The following RTKN2 variants were observed in gnomAD, a reference collection of about 807,000 sequenced individuals.
The protein encoded by RTKN2 is rhotekin 2.
Under a neutral mutation model 71.5 loss-of-function variants are expected in RTKN2, and 69 were observed. The observed-to-expected ratio is 0.96, with a 90% CI of 0.79 to 1.18. The LOEUF (loss-of-function observed/expected upper bound fraction) is 1.18, where lower values mean the gene tolerates loss of function less well. Among genes scored for constraint, RTKN2 ranks in the 50% most tolerant of loss-of-function variants. RTKN2 has a pLI of 0.00. For synonymous variants in RTKN2, 236 were observed against 236.5 expected, an observed-to-expected ratio of 1.00 and a Z score of 0.02; for missense variants, 724 against 719.7, an observed-to-expected ratio of 1.01 and a Z score of -0.07.
chr10:62,187,424 G>C (rs1841154607), intron 8 of RTKN2, among the ~76,000 whole-genome samples: 1 of 152,108 alleles, frequency 6.6e-6, no homozygotes, highest in Non-Finnish European at 1.5e-5. Flanking sequence ...CCTTCAATCT[G>C]TTCACCCCTC....
intron 6 of RTKN2, among the ~76,000 whole-genome samples, chr10:62,224,587 GA>G (rs935632800): frequency 2.0e-5 from 3 of 150,316 alleles, no homozygotes; most frequent in Non-Finnish European, 3.0e-5. Flanking sequence ...CAGGCAGAAT[GA>G]AAAAAAAAGT....
At chr10:62,220,108 A>AT (rs150388010) in intron 7 of RTKN2, among the ~76,000 whole-genome samples, 16,029 of 152,042 alleles carry the variant, frequency 0.11, 891 homozygotes, top group Non-Finnish European at 0.12. Flanking sequence ...TTACCCCAGA[A>AT]TTTTTTTTGT....
At chr10:62,187,675 A>AT (rs1841158474) in intron 8 of RTKN2, among the ~76,000 whole-genome samples, 1 of 152,086 alleles carries the variant, frequency 6.6e-6, no homozygotes, top group Admixed American at 6.6e-5. Context: ...GTGAGGTGTG[A>AT]TTCTCTCAGC....
chr10:62,257,834 C>A (rs1842702420), intron 2 of RTKN2, among the ~76,000 whole-genome samples: 1 of 152,152 alleles, frequency 6.6e-6, no homozygotes, highest in Non-Finnish European at 1.5e-5. Context: ...AACCAAGCCA[C>A]GATACCTCTA....
chr10:62,263,716 G>A (rs552042541), intron 1 of RTKN2, among the ~76,000 whole-genome samples: 89 of 152,282 alleles, frequency 5.8e-4, no homozygotes, highest in African/African-American at 2.0e-3. Context: ...AGAAGCAAGA[G>A]AGTGAAAGCG....
intron 2 of RTKN2, among the ~76,000 whole-genome samples, chr10:62,255,229 T>C (rs1016416703): frequency 6.6e-6 from 1 of 152,178 alleles, no homozygotes; most frequent in African/African-American, 2.4e-5. Context: ...TATAAACTCA[T>C]GATTTTTTCA....
At chr10:62,241,310 T>C (rs1057481113) in intron 3 of RTKN2, 115 bp from the exon 4 acceptor site, 1 of 609,684 alleles carries the variant, frequency 1.6e-6, no homozygotes, top group Non-Finnish European at 2.9e-6. Context: ...TAAAATAAAG[T>C]GTTATTATTT....
chr10:62,204,288 A>C (rs1841504543), intron 10 of RTKN2, among the ~76,000 whole-genome samples: 1 of 152,198 alleles, frequency 6.6e-6, no homozygotes, highest in Non-Finnish European at 1.5e-5. Context: ...AGAACCTCAT[A>C]TATTTTATAC....
Position 62,262,784 on chromosome 10 carries a change from C to T in RTKN2, c.98G>A (p.Arg33Gln), listed in dbSNP as rs778526220. 11 of 1,609,978 alleles carry T rather than the reference C, an allele frequency of 6.8e-6. No homozygotes were observed. Among genetic ancestry groups the T allele is most frequent in the South Asian group, 1.1e-5 (1 of 89,892 alleles). Residue 33 changes from arginine (R) to glutamine (Q), a missense_variant, in exon 2 of 12, where the codon CGA (arginine) becomes CAA (glutamine). Coordinates refer to ENST00000373789, the MANE Select transcript of RTKN2 (RefSeq NM_145307.4). Reference sequence around the variant, plus strand: ...GAGTTTCCATATTCCTTCTCGCATTCGAATTTCTAAGTCTATTTTTTCTTG... The same window carrying T: ...GAGTTTCCATATTCCTTCTCGCATTTGAATTTCTAAGTCTATTTTTTCTTG... ...NIQEKIDLEI[R>Q]MREGIWKLLS... is the part of the protein sequence containing the mutation.
chr10:62,214,959 A>G, intron 9 of RTKN2: 1 of 685,494 alleles, frequency 1.5e-6, no homozygotes, highest in South Asian at 2.0e-5. Flanking sequence ...CTGATCTCTG[A>G]GACTATTTCT....
chr10:62,198,830 T>TA (rs1337719575), intron 11 of RTKN2, among the ~76,000 whole-genome samples: 1 of 152,194 alleles, frequency 6.6e-6, no homozygotes, highest in Non-Finnish European at 1.5e-5. Flanking sequence ...TTCCTGGATT[T>TA]AAAACCTTAT....
At chr10:62,190,616 C>T (rs1190572396), downstream of RTKN2, among the ~76,000 whole-genome samples, 1 of 152,038 alleles carries the variant, frequency 6.6e-6, no homozygotes, top group Non-Finnish European at 1.5e-5. Flanking sequence ...TGTTAACTAG[C>T]CATGTTGTCT....
chr10:62,232,106 C>G (rs764190157), intron 6 of RTKN2, among the ~76,000 whole-genome samples: 1 of 151,924 alleles, frequency 6.6e-6, no homozygotes, highest in Non-Finnish European at 1.5e-5. Context: ...ACAAATGGCA[C>G]GCAAGATTCA....
At chr10:62,226,912 G>T (rs142176499) in intron 6 of RTKN2, among the ~76,000 whole-genome samples, 2 of 152,210 alleles carry the variant, frequency 1.3e-5, no homozygotes, top group Non-Finnish European at 2.9e-5. Context: ...AGTGAGCCAA[G>T]ATCGTGCCAC....
rs746635285 is a variant in RTKN2, at chr10:62,198,166, T to C, written c.1572A>G (p.Gln524=). 5.6e-6 allele frequency: 9 copies of C among 1,614,040 alleles called. No homozygotes were observed. Among genetic ancestry groups the C allele is most frequent in the South Asian group, 3.3e-5 (3 of 91,094 alleles). Reference sequence around the variant, plus strand: ...TTTTTCCCCAGTTGTCCTTAACCAATTGATCTGTGTTACTCTGTGATTTTA... The same window carrying C: ...TTTTTCCCCAGTTGTCCTTAACCAACTGATCTGTGTTACTCTGTGATTTTA... ...FSLKSQSNTD[Q]LVKDNWGKTS... is the part of the protein sequence containing the mutation. Residue 524 remains glutamine, a synonymous_variant, in exon 12 of 12, where the codon CAA becomes CAG. Coordinates refer to ENST00000373789, the MANE Select transcript of RTKN2 (RefSeq NM_145307.4).
rs1291793200 is a variant in RTKN2, at chr10:62,194,120, T to C, written c.*3788A>G. 1 of 979,208 alleles carries C rather than the reference T, an allele frequency of 1.0e-6. No individual in the cohort carries two copies. Among genetic ancestry groups the C allele is most frequent in the African/African-American group, 1.8e-5 (1 of 57,118 alleles). 60.7% of individuals were successfully genotyped at this position (979,208 alleles called of 1,614,324 possible). A position where few individuals can be genotyped will look rare whatever the true frequency, so the allele number is the denominator to read the frequency against. ...GATATAATACTTTTTAATCCAAAAG[T>C]CTGACCCATATTAAAAAATAAAAAT... On this transcript the variant is annotated 3_prime_UTR_variant, in exon 12 of 12. Transcript: ENST00000373789.
In RTKN2 at chr10:62,212,524, G is replaced by A. The variant is rs571575324; in HGVS notation, c.1020+4594C>T. Among the ~76,000 whole-genome samples the A allele has an allele frequency of 1.5e-4, 23 of 152,126 alleles. No individual in the cohort carries two copies. In the South Asian group the frequency reaches 4.8e-3, roughly 32 times the overall value. ...TTGAGACCAGCCTGGGTAACATGGT[G>A]AAACCCTGTCTCTACAAAAAATACA... On this transcript the variant is annotated intron_variant, in intron 9 of 11. Coordinates refer to ENST00000373789, the MANE Select transcript of RTKN2 (RefSeq NM_145307.4).
At position 62,252,404 on chromosome 10, in the gene RTKN2, T is replaced by C. The variant is rs368797596; in HGVS notation, c.258-6347A>G. 7.2e-5 allele frequency among the ~76,000 whole-genome samples: 11 copies of C among 151,892 alleles called. No individual in the cohort carries two copies. The East Asian group carries it at 1.7e-3, about 24-fold the overall frequency. On this transcript the variant is annotated intron_variant, in intron 2 of 11. Coordinates refer to ENST00000373789, the MANE Select transcript of RTKN2 (RefSeq NM_145307.4). The stretch of plus-strand genomic sequence containing the variant: ...AAAACACCTTAAACATGCAAGAAAG[T>C]GAAGGAAACCGTACTCATGTGGAAG...
intron 2 of RTKN2, chr10:62,259,229 G>A (rs751089822): frequency 6.6e-6 from 3 of 452,354 alleles, no homozygotes; most frequent in African/African-American, 4.0e-5. Flanking sequence ...ATGACTATGA[G>A]GCCTCCCCAG....
Sources: allele counts gnomAD v4.1 joint callset (sites outside exome capture counted in the v4.1 genomes callset), GRCh38; gene constraint gnomAD v4.1.1; transcripts MANE v1.5; gene names NCBI Gene and HGNC (gene_info 2026-07-23, HGNC 2026-07-21).